Variants in DSCAM observed in about 807,000 individuals in gnomAD.
DSCAM encodes the protein DS cell adhesion molecule, also known as cell adhesion molecule DSCAM.
In DSCAM, 47 loss-of-function variants were observed where a neutral mutation model predicts 217.7. The ratio of observed to expected loss-of-function variants is 0.22; its 90% CI spans 0.17 to 0.28. The LOEUF (loss-of-function observed/expected upper bound fraction) is 0.28, where lower values mean the gene tolerates loss of function less well. Among genes scored for constraint, DSCAM ranks in the 10% least tolerant of loss-of-function variants. The probability of loss-of-function intolerance (pLI) is 1.00; values close to 1 mark genes in which losing one functional copy is unlikely to be tolerated. For synonymous variants in DSCAM, 1,056 were observed against 1,015.3 expected, an observed-to-expected ratio of 1.04 and a Z score of -0.76; for missense variants, 2,080 against 2,618.3, an observed-to-expected ratio of 0.79 and a Z score of 4.49.
intron 8 of DSCAM, among the ~76,000 whole-genome samples, chr21:40,333,066 G>T (rs1024378040): frequency 6.6e-6 from 1 of 152,168 alleles, no homozygotes; most frequent in African/African-American, 2.4e-5. Flanking sequence ...TAAGGCTTCA[G>T]GTTTGCTCTT....
At chr21:40,632,776 C>G (rs1257139050) in intron 3 of DSCAM, among the ~76,000 whole-genome samples, 1 of 152,196 alleles carries the variant, frequency 6.6e-6, no homozygotes, top group African/African-American at 2.4e-5. Context: ...GACCACTACA[C>G]TTAACTGTGC....
In DSCAM at chr21:40,345,897, C is replaced by T. The variant is rs141708884; in HGVS notation, c.1210+1773G>A. 2.8e-3 allele frequency among the ~76,000 whole-genome samples: 429 copies of T among 152,268 alleles called. 3 individuals carry two copies. Among genetic ancestry groups the T allele is most frequent in the African/African-American group, 9.7e-3 (405 of 41,580 alleles). On this transcript the variant is annotated intron_variant, in intron 6 of 32. Coordinates refer to ENST00000400454, the MANE Select transcript of DSCAM (RefSeq NM_001389.5). ...ACAAATAAATCTGCGAGTGTGCTGG[C>T]GGTGCGCCTCGGCCCCCTTTTTAGT...
intron 16 of DSCAM, among the ~76,000 whole-genome samples, chr21:40,158,289 CT>C (rs1356474929): frequency 6.6e-6 from 1 of 152,010 alleles, no homozygotes; most frequent in East Asian, 1.9e-4. Context: ...ACTCAGGAGG[CT>C]GAGGTAGGAG....
chr21:40,514,967 T>C (rs1422866184), intron 3 of DSCAM, among the ~76,000 whole-genome samples: 1 of 152,176 alleles, frequency 6.6e-6, no homozygotes, highest in Non-Finnish European at 1.5e-5. Context: ...GCCTATAGCT[T>C]GTGACGAAAG....
intron 3 of DSCAM, among the ~76,000 whole-genome samples, chr21:40,554,125 G>T (rs975324112): frequency 2.6e-5 from 4 of 151,350 alleles, no homozygotes; most frequent in African/African-American, 7.3e-5. Flanking sequence ...TCCTGCCTCA[G>T]TGTCCTTAGT....
intron 28 of DSCAM, among the ~76,000 whole-genome samples, chr21:40,058,956 T>C (rs1052446155): frequency 1.3e-5 from 2 of 152,206 alleles, no homozygotes; most frequent in Admixed American, 1.3e-4. Context: ...TTATTTGCCA[T>C]CTGGTTGTTT....
intron 1 of DSCAM, among the ~76,000 whole-genome samples, chr21:40,722,047 G>A (rs2090907066): frequency 6.6e-6 from 1 of 151,814 alleles, no homozygotes; most frequent in Admixed American, 6.6e-5. Context: ...AAAAAGACAG[G>A]AAAGAAAAAC....
chr21:40,487,979 A>G (rs1302852847), intron 3 of DSCAM, among the ~76,000 whole-genome samples: 1 of 152,188 alleles, frequency 6.6e-6, no homozygotes, highest in Non-Finnish European at 1.5e-5. Flanking sequence ...GGCACATTCA[A>G]ATCCCTGGGG....
chr21:40,680,439 G>A (rs2090387841), intron 3 of DSCAM, among the ~76,000 whole-genome samples: 1 of 152,176 alleles, frequency 6.6e-6, no homozygotes, highest in Non-Finnish European at 1.5e-5. Context: ...CTGTGCAGTA[G>A]GGACCCAAAG....
chr21:40,148,467 C>A (rs894076683), intron 16 of DSCAM, among the ~76,000 whole-genome samples: 1 of 152,066 alleles, frequency 6.6e-6, no homozygotes, highest in Non-Finnish European at 1.5e-5. Context: ...TATGAAATAC[C>A]ACTGAATCAT....
At chr21:40,706,827 G>A (rs943019383) in intron 2 of DSCAM, among the ~76,000 whole-genome samples, 4 of 152,192 alleles carry the variant, frequency 2.6e-5, no homozygotes, top group African/African-American at 9.6e-5. Context: ...GAAATCAGGA[G>A]AGAAATTTGA....
At chr21:40,087,438 T>G in intron 21 of DSCAM, 151 bp from the exon 22 acceptor site, 2 of 603,282 alleles carry the variant, frequency 3.3e-6, no homozygotes. Flanking sequence ...GTACCCGGGT[T>G]ATGAGGAATT....
At chr21:40,698,810 C>T (rs1470232426) in intron 2 of DSCAM, among the ~76,000 whole-genome samples, 2 of 144,816 alleles carry the variant, frequency 1.4e-5, no homozygotes, top group Non-Finnish European at 3.0e-5. Context: ...GCAGAGGTTG[C>T]AGTGAGCTGA....
At chr21:40,180,752 T>A (rs995884792) in intron 14 of DSCAM, among the ~76,000 whole-genome samples, 1 of 152,138 alleles carries the variant, frequency 6.6e-6, no homozygotes, top group African/African-American at 2.4e-5. Context: ...GATACAGCCA[T>A]CTTCACTGGA....
chr21:40,514,244 G>A (rs2076282455), intron 3 of DSCAM, among the ~76,000 whole-genome samples: 1 of 152,212 alleles, frequency 6.6e-6, no homozygotes, highest in Admixed American at 6.5e-5. Flanking sequence ...AGCCCTGCAT[G>A]CTCAATTTAC....
At chr21:40,170,654 A>G (rs1397894560) in intron 15 of DSCAM, among the ~76,000 whole-genome samples, 2 of 152,226 alleles carry the variant, frequency 1.3e-5, no homozygotes, top group East Asian at 3.8e-4. Flanking sequence ...ATAAAAACTC[A>G]TGGAATGGAT....
At chr21:40,161,143 G>A (rs1480402123) in intron 16 of DSCAM, among the ~76,000 whole-genome samples, 1 of 152,124 alleles carries the variant, frequency 6.6e-6, no homozygotes, top group Non-Finnish European at 1.5e-5. Context: ...GAAACCAAGG[G>A]AACTGCCTGC....
intron 24 of DSCAM, 102 bp downstream of exon 24, chr21:40,083,806 G>T: frequency 1.2e-6 from 1 of 803,096 alleles, no homozygotes; most frequent in Non-Finnish European, 1.9e-6. Context: ...TTTTGGGGGA[G>T]AATAAAGTAA....
intron 3 of DSCAM, among the ~76,000 whole-genome samples, chr21:40,413,420 T>C (rs996287496): frequency 1.5e-4 from 23 of 152,188 alleles, no homozygotes; most frequent in African/African-American, 5.5e-4. Flanking sequence ...AACCCACCTC[T>C]TGCATCAGCA....
Sources: gnomAD v4.1 joint callset for allele counts (sites outside exome capture counted in the v4.1 genomes callset) on GRCh38, gnomAD v4.1.1 for gene constraint, MANE v1.5 for transcripts, NCBI Gene and HGNC (gene_info 2026-07-23, HGNC 2026-07-21) for gene names.